COL19A1: variants seen among roughly 807,000 people sequenced by gnomAD.
COL19A1 encodes the protein collagen type XIX alpha 1 chain.
A neutral mutation model predicts 190.2 loss-of-function variants in COL19A1; 159 were observed. The observed-to-expected ratio is 0.84, with a 90% CI of 0.73 to 0.95. The LOEUF is 0.95. COL19A1 is among the 40% of genes least tolerant of loss of function. The probability of loss-of-function intolerance (pLI) is 0.00; values close to 1 mark genes in which losing one functional copy is unlikely to be tolerated. For synonymous variants in COL19A1, 509 were observed against 458.9 expected (o/e 1.11, Z -1.39); for missense variants, 1,418 against 1,431.9 (o/e 0.99, Z 0.16).
Position 70,035,916 on chromosome 6 carries a change from C to A in COL19A1, c.1147C>A (p.Pro383Thr). 6.2e-7 allele frequency: 1 copy of A among 1,612,884 alleles called. No individual in the cohort carries two copies. The highest frequency in any genetic ancestry group is 8.5e-7 in the Non-Finnish European group (1 of 1,179,044). ...GPKGEKGDTG[P>T]PGPPALPGSL... ...TAATCTATTTTAGGGAGATACAGGACCCCCAGGACCACCAGCCTTACCTGT... is the reference window on the plus strand; with the variant it reads ...TAATCTATTTTAGGGAGATACAGGAACCCCAGGACCACCAGCCTTACCTGT... The change falls in exon 14 of 51, where the codon CCC (proline) becomes ACC (threonine). Residue 383 changes from proline to threonine, a missense_variant. By Grantham distance (38) the Pro-to-Thr change is conservative. Transcript: ENST00000620364.
intron 16 of COL19A1, among the ~76,000 whole-genome samples, chr6:70,103,954 G>T (rs1003879754): frequency 6.6e-6 from 1 of 152,086 alleles, no homozygotes; most frequent in Non-Finnish European, 1.5e-5. Flanking sequence ...TTAAAACCAG[G>T]TAAGTGACCT....
chr6:69,914,863 A>G (rs1771190332), intron 4 of COL19A1, among the ~76,000 whole-genome samples: 1 of 152,230 alleles, frequency 6.6e-6, no homozygotes, highest in Admixed American at 6.5e-5. Flanking sequence ...AAATTTCTCT[A>G]GAATAACAAT....
intron 15 of COL19A1, among the ~76,000 whole-genome samples, chr6:70,096,682 T>C (rs1014331864): frequency 3.3e-5 from 5 of 152,208 alleles, no homozygotes; most frequent in African/African-American, 9.7e-5. Flanking sequence ...CAAATTGAAT[T>C]CTTTTGTTCT....
chr6:70,067,547 C>T (rs1781314121), intron 14 of COL19A1, among the ~76,000 whole-genome samples: 2 of 151,990 alleles, frequency 1.3e-5, no homozygotes, highest in African/African-American at 4.8e-5. Context: ...TTCCATCAAG[C>T]ACGTCGTGGG....
At chr6:69,942,262 C>T (rs998133507) in intron 9 of COL19A1, among the ~76,000 whole-genome samples, 3 of 152,012 alleles carry the variant, frequency 2.0e-5, no homozygotes, top group African/African-American at 4.8e-5. Flanking sequence ...AACAATTATA[C>T]GTATTTATGG....
At chr6:70,055,958 A>G (rs954810151) in intron 14 of COL19A1, among the ~76,000 whole-genome samples, 3 of 151,660 alleles carry the variant, frequency 2.0e-5, no homozygotes, top group Non-Finnish European at 2.9e-5. Context: ...ATATTTTTCA[A>G]ATTTTCTCAT....
intron 16 of COL19A1, among the ~76,000 whole-genome samples, chr6:70,106,331 T>C (rs1271640253): frequency 4.4e-5 from 4 of 91,482 alleles, no homozygotes; most frequent in African/African-American, 1.2e-4. Context: ...AGTGTGTGCG[T>C]GTGTGTGTGT....
At chr6:69,877,156 A>T (rs1768177918) in intron 1 of COL19A1, among the ~76,000 whole-genome samples, 1 of 152,330 alleles carries the variant, frequency 6.6e-6, no homozygotes, top group African/African-American at 2.4e-5. Context: ...GATGGCACCC[A>T]AGTGATATGA....
chr6:69,980,709 G>T (rs1220065684), intron 11 of COL19A1, among the ~76,000 whole-genome samples: 1 of 152,196 alleles, frequency 6.6e-6, no homozygotes, highest in Non-Finnish European at 1.5e-5. Context: ...TGGACAAAAT[G>T]TGTGAATAGG....
chr6:69,929,325 C>G (rs936680533), intron 5 of COL19A1, 100 bp from the exon 6 acceptor site: 1 of 1,140,574 alleles, frequency 8.8e-7, no homozygotes, highest in Non-Finnish European at 1.2e-6. Context: ...TACTAAGTGC[C>G]TCAGTTATAC....
intron 11 of COL19A1, among the ~76,000 whole-genome samples, chr6:70,019,568 A>T (rs750304868): frequency 6.6e-6 from 1 of 152,086 alleles, no homozygotes; most frequent in African/African-American, 2.4e-5. Flanking sequence ...GTACTTTTTG[A>T]AATTAGTTTT....
chr6:70,165,384 C>T (rs1765085940), intron 36 of COL19A1, among the ~76,000 whole-genome samples: 1 of 152,204 alleles, frequency 6.6e-6, no homozygotes, highest in South Asian at 2.1e-4. Flanking sequence ...GTTGCTTCTG[C>T]TCAGGAAGAT....
In COL19A1 at chr6:70,171,971, C is replaced by T. The variant is rs1357357696; in HGVS notation, c.2576C>T (p.Pro859Leu). The change falls in exon 41 of 51, where the codon CCT (proline) becomes CTT (leucine). Residue 859 changes from proline (P) to leucine (L), a missense_variant. Pro to Leu is a moderately conservative substitution (Grantham distance 98). Transcript: ENST00000620364. The part of the protein sequence containing the change: ...PKGDPGPVGE[P>L]GAMGLPGLEG... ...TATGTTCATATTTAACAGGGAGAGC[C>T]TGGTGCAATGGGGTTGCCAGGATTA... The T allele has an allele frequency of 2.5e-6, 4 of 1,612,636 alleles. No individual in the cohort carries two copies. In the Middle Eastern group the frequency reaches 5.0e-4, roughly 200 times the overall value.
chr6:69,960,216 C>A (rs567656200), intron 10 of COL19A1, among the ~76,000 whole-genome samples, 176 bp downstream of exon 10: 1 of 152,246 alleles, frequency 6.6e-6, no homozygotes, highest in Non-Finnish European at 1.5e-5. Flanking sequence ...TTGAAGGGAC[C>A]ATTCTAGGAG....
At chr6:70,171,663 T>G (rs1204718829) in intron 40 of COL19A1, among the ~76,000 whole-genome samples, 1 of 152,204 alleles carries the variant, frequency 6.6e-6, no homozygotes, top group Non-Finnish European at 1.5e-5. Flanking sequence ...TTCATTCTAG[T>G]TCTTATTGAA....
At chr6:70,205,958 C>T (rs995378804) in intron 49 of COL19A1, among the ~76,000 whole-genome samples, 2 of 152,134 alleles carry the variant, frequency 1.3e-5, no homozygotes, top group Non-Finnish European at 2.9e-5. Context: ...TTATACACTG[C>T]CATGTTCAAA....
At chr6:69,882,011 G>A (rs948022612) in intron 2 of COL19A1, among the ~76,000 whole-genome samples, 1 of 152,166 alleles carries the variant, frequency 6.6e-6, no homozygotes, top group Non-Finnish European at 1.5e-5. Context: ...ACCATTTACC[G>A]GAGGGAAGTG....
chr6:70,203,019 T>C (rs981653112), intron 49 of COL19A1, among the ~76,000 whole-genome samples: 2 of 152,124 alleles, frequency 1.3e-5, no homozygotes, highest in African/African-American at 4.8e-5. Context: ...TTCTCCCGGG[T>C]ATGAGCTAAA....
At chr6:70,109,698 G>C (rs568190641) in intron 16 of COL19A1, among the ~76,000 whole-genome samples, 1 of 151,986 alleles carries the variant, frequency 6.6e-6, no homozygotes, top group Admixed American at 6.6e-5. Flanking sequence ...TTGAGTGGAC[G>C]GGGAATAGGC....
Sources: allele counts gnomAD v4.1 joint callset (sites outside exome capture counted in the v4.1 genomes callset), GRCh38; gene constraint gnomAD v4.1.1; transcripts MANE v1.5; gene names NCBI Gene and HGNC (gene_info 2026-07-23, HGNC 2026-07-21).